The following CSMD2 variants were observed in gnomAD, a reference collection of about 807,000 sequenced individuals.
CSMD2 encodes CUB and sushi domain-containing protein 2.
CSMD2 carries 130 observed loss-of-function variants against 398.5 expected under a neutral mutation model. The observed-to-expected ratio is 0.33, with a 90% CI of 0.28 to 0.38. The LOEUF (loss-of-function observed/expected upper bound fraction) is 0.38. Ranked by LOEUF, CSMD2 falls within the 10% of genes least tolerant of loss-of-function variation. CSMD2 has a pLI of 1.00. For missense variants in CSMD2, 3,829 were observed against 4,764.9 expected, an observed-to-expected ratio of 0.80 and a Z score of 5.78; for synonymous variants, 1,828 against 1,908.5, an observed-to-expected ratio of 0.96 and a Z score of 1.10.
intron 13 of CSMD2, 126 bp downstream of exon 13, chr1:33,772,443 C>T: frequency 1.3e-6 from 1 of 791,814 alleles, no homozygotes. Context: ...GTAGAATAAA[C>T]CAACCAGAGT....
chr1:34,129,021 A>G (rs992096800), intron 1 of CSMD2, among the ~76,000 whole-genome samples: 1 of 143,216 alleles, frequency 7.0e-6, no homozygotes, highest in Non-Finnish European at 1.6e-5. Flanking sequence ...CCACACACAC[A>G]CACATATACA....
intron 62 of CSMD2, among the ~76,000 whole-genome samples, chr1:33,535,739 C>T (rs1489950713): frequency 1.3e-5 from 2 of 152,204 alleles, no homozygotes; most frequent in Non-Finnish European, 1.5e-5. Flanking sequence ...GGCCTACTTT[C>T]CAGGCCCCCA....
rs552185984 is a variant in CSMD2 at position 33,898,040 on chromosome 1, T to C, written c.920+20054A>G. 3.3e-5 allele frequency among the ~76,000 whole-genome samples: 5 copies of C among 152,246 alleles called. No homozygotes were observed. In the East Asian group the frequency reaches 9.7e-4, roughly 29 times the overall value. ...AAACCCTTATCCTGATCCTTGGAGTTAGATTGAGAGAGGAGGACATTGAGG... is the reference window on the plus strand; with the variant it reads ...AAACCCTTATCCTGATCCTTGGAGTCAGATTGAGAGAGGAGGACATTGAGG... On this transcript the variant is annotated intron_variant, in intron 5 of 70. Coordinates refer to ENST00000373381, the MANE Select transcript of CSMD2 (RefSeq NM_001281956.2).
At chr1:33,879,903 C>T (rs371471903) in intron 5 of CSMD2, among the ~76,000 whole-genome samples, 1 of 152,118 alleles carries the variant, frequency 6.6e-6, no homozygotes, top group Non-Finnish European at 1.5e-5. Flanking sequence ...ACACCTGATA[C>T]TAATATGTAA....
At position 33,633,550 on chromosome 1, in the gene CSMD2, C is replaced by T; in HGVS notation, c.5087-15G>A. 6.5e-7 allele frequency: 1 copy of T among 1,544,490 alleles called. No homozygotes were observed. The highest frequency in any genetic ancestry group is 1.2e-5 in the South Asian group (1 of 83,894). On this transcript the variant is annotated splice_polypyrimidine_tract_variant and intron_variant, in intron 31 of 70. Transcript: ENST00000373381. This position sits in a 1 kb window ranked among gnomAD's most constrained non-coding sequence, Gnocchi z 5.0. ...GCCAAACACCACTGTGGAGGAGACA[C>T]AGTGTGGGGACTGGGCAGGCACGCT...
intron 5 of CSMD2, among the ~76,000 whole-genome samples, chr1:33,917,333 C>G (rs566198081): frequency 6.6e-6 from 1 of 152,324 alleles, no homozygotes; most frequent in South Asian, 2.1e-4. Context: ...CAAAAGTCCT[C>G]CTGATAACAC....
chr1:33,621,414 CTCTG>C (rs756843339), intron 37 of CSMD2, among the ~76,000 whole-genome samples: 63 of 152,330 alleles, frequency 4.1e-4, no homozygotes, highest in Non-Finnish European at 6.6e-4. Flanking sequence ...TCATGCACCT[CTCTG>C]TCTATGTGTC....
chr1:34,150,993 G>T (rs1233147971), intron 1 of CSMD2, among the ~76,000 whole-genome samples: 1 of 152,084 alleles, frequency 6.6e-6, no homozygotes, highest in African/African-American at 2.4e-5. Context: ...GGGGGGGCGG[G>T]GGATGCAAAC....
chr1:33,910,913 G>A (rs1643413982), intron 5 of CSMD2, among the ~76,000 whole-genome samples: 1 of 152,240 alleles, frequency 6.6e-6, no homozygotes, highest in African/African-American at 2.4e-5. Context: ...TTAGCTGGAG[G>A]TGGGTTTCTA....
intron 49 of CSMD2, among the ~76,000 whole-genome samples, chr1:33,574,304 G>A (rs1292945900): frequency 3.3e-5 from 5 of 152,180 alleles, no homozygotes; most frequent in Non-Finnish European, 7.3e-5. Context: ...ACATGGCCAG[G>A]ATTATTATTT....
intron 13 of CSMD2, among the ~76,000 whole-genome samples, chr1:33,753,660 G>A (rs1024286912): frequency 5.9e-5 from 9 of 152,222 alleles, no homozygotes; most frequent in Non-Finnish European, 1.2e-4. Context: ...CCTGAGCCTG[G>A]AAAAGCAACA....
intron 32 of CSMD2, among the ~76,000 whole-genome samples, chr1:33,632,734 T>C (rs1642538585): frequency 6.6e-6 from 1 of 152,172 alleles, no homozygotes; most frequent in African/African-American, 2.4e-5. Context: ...ACTTGACAAT[T>C]CCACTTCTAG....
chr1:33,588,525 C>T (rs916602391), intron 44 of CSMD2, among the ~76,000 whole-genome samples: 2 of 152,094 alleles, frequency 1.3e-5, no homozygotes, highest in African/African-American at 4.8e-5. Flanking sequence ...GCCTATATCC[C>T]ATTATTTTAA....
At chr1:33,882,693 C>T (rs1467038570) in intron 5 of CSMD2, among the ~76,000 whole-genome samples, 2 of 152,196 alleles carry the variant, frequency 1.3e-5, no homozygotes, top group African/African-American at 2.4e-5. Flanking sequence ...GAGGTCACAG[C>T]ATGCTTTCTC....
intron 26 of CSMD2, among the ~76,000 whole-genome samples, chr1:33,659,525 T>C (rs189183401): frequency 1.4e-4 from 22 of 152,346 alleles, no homozygotes; most frequent in Admixed American, 1.1e-3. Flanking sequence ...AAAAACTACT[T>C]TTATACTAAA....
rs770305273 is a variant in CSMD2, at chr1:33,622,208, T to C, written c.5786A>G (p.Asp1929Gly). 5 of 1,614,118 alleles carry C rather than the reference T, an allele frequency of 3.1e-6. No homozygotes were observed. Among genetic ancestry groups the C allele is most frequent in the Non-Finnish European group, 4.2e-6 (5 of 1,179,998 alleles). ...GAAGCCAGCTGCAGATACGCTGATA[T>C]CTGAGTAGAAATGAAGGTAGAGCTG... ...SNQLYLHFYS[D>G]ISVSAAGFHL... The change falls in exon 37 of 71, where the codon GAT (aspartate) becomes GGT (glycine). Residue 1929 changes from aspartate to glycine, a missense_variant. Physicochemically the swap from Asp to Gly is moderately conservative, Grantham distance 94. This residue lies in a region of CSMD2 where 2,001 missense variants were observed against 2,567.1 expected (regional missense o/e 0.78). Transcript: ENST00000373381.
Position 33,633,592 on chromosome 1 carries a change from ATCTAGGGG to A in CSMD2, c.5087-65_5087-58del. The A allele has an allele frequency of 7.4e-7, 1 of 1,346,072 alleles. No homozygotes were observed. The highest frequency in any genetic ancestry group is 2.5e-5 in the East Asian group (1 of 39,928). 83.4% of individuals were successfully genotyped at this position (1,346,072 alleles called of 1,614,324 possible). ...AGGCACGCTGGGGGCAGGAGAGGGG[ATCTAGGGG>A]TCTAGGGGCCCAAGCCAGGAGGAGG... On this transcript the variant is annotated intron_variant, in intron 31 of 70. Coordinates refer to ENST00000373381, the MANE Select transcript of CSMD2 (RefSeq NM_001281956.2). This position sits in a 1 kb window ranked among gnomAD's most constrained non-coding sequence, Gnocchi z 5.0.
At chr1:34,016,727 A>G (rs1558251346) in intron 3 of CSMD2, among the ~76,000 whole-genome samples, 1 of 152,258 alleles carries the variant, frequency 6.6e-6, no homozygotes, top group African/African-American at 2.4e-5. Flanking sequence ...GACTGCATAA[A>G]GAAACATATT....
At chr1:33,890,748 T>C (rs1641953398) in intron 5 of CSMD2, among the ~76,000 whole-genome samples, 1 of 151,720 alleles carries the variant, frequency 6.6e-6, no homozygotes, top group East Asian at 1.9e-4. Context: ...GCTGCATATC[T>C]ACAACTATCT....
Sources: gnomAD v4.1 joint callset for allele counts (sites outside exome capture counted in the v4.1 genomes callset) on GRCh38, gnomAD v4.1.1 for gene constraint, gnomAD v4.1.1 regional missense constraint, Gnocchi (gnomAD v3.1) non-coding constraint, MANE v1.5 for transcripts, NCBI Gene and HGNC (gene_info 2026-07-23, HGNC 2026-07-21) for gene names.